The following GHR variants were observed in gnomAD, a reference collection of about 807,000 sequenced individuals.
The protein encoded by GHR is GH receptor.
In GHR, 35 loss-of-function variants were observed where a neutral mutation model predicts 67.1. The observed-to-expected ratio is 0.52, with a 90% CI of 0.40 to 0.69. GHR has a LOEUF of 0.69. Among genes scored for constraint, GHR ranks in the 30% least tolerant of loss-of-function variants. The pLI is 0.00. For missense variants in GHR, 792 were observed against 764.6 expected (o/e 1.04, Z -0.42); for synonymous variants, 272 against 269.1 (o/e 1.01, Z -0.10).
chr5:42,672,691 C>T (rs1756375358), intron 3 of GHR, among the ~76,000 whole-genome samples: 1 of 152,050 alleles, frequency 6.6e-6, no homozygotes, highest in Non-Finnish European at 1.5e-5. Flanking sequence ...ATATCTCAAA[C>T]TATAAGAATG....
chr5:42,497,360 C>G (rs1256287471), intron 1 of GHR, among the ~76,000 whole-genome samples: 2 of 152,186 alleles, frequency 1.3e-5, no homozygotes, highest in Non-Finnish European at 2.9e-5. Context: ...ACGAATGCCT[C>G]TCTTTCCCAT....
chr5:42,425,688 G>T (rs969550043), intron 1 of GHR, among the ~76,000 whole-genome samples: 7 of 152,102 alleles, frequency 4.6e-5, no homozygotes, highest in Non-Finnish European at 8.8e-5. Flanking sequence ...GATGTGTTTT[G>T]GCCTAAAGAC....
intron 3 of GHR, among the ~76,000 whole-genome samples, chr5:42,654,842 T>C (rs944743405): frequency 1.3e-5 from 2 of 152,176 alleles, no homozygotes; most frequent in African/African-American, 4.8e-5. Flanking sequence ...TAGCAGAGTT[T>C]ATGCAGACTA....
At chr5:42,694,860 C>A in intron 4 of GHR, 57 bp from the exon 5 acceptor site, 1 of 1,324,758 alleles carries the variant, frequency 7.5e-7, no homozygotes, top group Non-Finnish European at 1.1e-6. Context: ...CTTACTTGGA[C>A]TTAAGCTACA....
In GHR at chr5:42,720,351, A is replaced by G. The variant is rs879201897; in HGVS notation, c.*927A>G. 6.6e-6 allele frequency: 1 copy of G among 152,228 alleles called. No homozygotes were observed. Among genetic ancestry groups the G allele is most frequent in the South Asian group, 2.1e-4 (1 of 4,834 alleles). 9.4% of individuals were successfully genotyped at this position (152,228 alleles called of 1,614,324 possible). A position where few individuals can be genotyped will look rare whatever the true frequency, so the allele number is the denominator to read the frequency against. On this transcript the variant is annotated 3_prime_UTR_variant, in exon 10 of 10. Transcript: ENST00000230882. The stretch of plus-strand genomic sequence containing the variant: ...CTTGGTTGATGCCAAAAAAAAATAC[A>G]TGCTAAGAGAAGTAGAAATCATAGC...
At chr5:42,695,936 A>G (rs909012585) in intron 5 of GHR, among the ~76,000 whole-genome samples, 3 of 152,232 alleles carry the variant, frequency 2.0e-5, no homozygotes, top group African/African-American at 7.2e-5. Context: ...GTATGTGGCT[A>G]GAACTTACAG....
At chr5:42,548,563 T>C in intron 1 of GHR, 1 of 892,064 alleles carries the variant, frequency 1.1e-6, no homozygotes, top group Non-Finnish European at 1.3e-6. Context: ...TATTGTTTGA[T>C]TAAAAGGCTG....
intron 2 of GHR, among the ~76,000 whole-genome samples, chr5:42,572,698 T>C (rs943678075): frequency 2.0e-5 from 3 of 152,206 alleles, no homozygotes; most frequent in Non-Finnish European, 2.9e-5. Context: ...CTGTTTCTGT[T>C]TATATAACAA....
chr5:42,685,788 G>T (rs559661307), intron 3 of GHR, among the ~76,000 whole-genome samples: 6 of 151,978 alleles, frequency 3.9e-5, no homozygotes, highest in East Asian at 3.9e-4. Context: ...TTTTGATGGG[G>T]TTGTTTTTTT....
intron 2 of GHR, among the ~76,000 whole-genome samples, chr5:42,604,713 A>AT (rs35060701): frequency 3.5e-4 from 50 of 144,864 alleles, no homozygotes; most frequent in African/African-American, 8.8e-4. Flanking sequence ...ACACCCCTCT[A>AT]TTTTTTTTTT....
intron 1 of GHR, among the ~76,000 whole-genome samples, chr5:42,450,078 T>A (rs565518633): frequency 3.9e-4 from 59 of 152,334 alleles, no homozygotes; most frequent in African/African-American, 1.4e-3. Context: ...TTTGCATGTA[T>A]GTTCATTAGG....
At chr5:42,522,905 G>A (rs1042116814) in intron 1 of GHR, among the ~76,000 whole-genome samples, 1 of 152,110 alleles carries the variant, frequency 6.6e-6, no homozygotes, top group Non-Finnish European at 1.5e-5. Flanking sequence ...TAATTTTCTA[G>A]GCATTATGCA....
At chr5:42,582,171 G>A (rs1274901253) in intron 2 of GHR, among the ~76,000 whole-genome samples, 3 of 152,260 alleles carry the variant, frequency 2.0e-5, no homozygotes, top group African/African-American at 7.2e-5. Flanking sequence ...CCTGGGTGCT[G>A]TGGATGACAT....
Position 42,629,580 on chromosome 5 carries a change from T to C in GHR, c.136+477T>C, listed in dbSNP as rs182890613. Among the ~76,000 whole-genome samples, 108 of 132,508 alleles carry C rather than the reference T, an allele frequency of 8.2e-4. 33 individuals carry two copies. The highest frequency in any genetic ancestry group is 3.4e-3 in the African/African-American group (106 of 31,452). 86.9% of individuals were successfully genotyped at this position (132,508 alleles called of 152,430 possible). On this transcript the variant is annotated intron_variant, in intron 3 of 9. Transcript: ENST00000230882. ...GATGCTAATACAGCCTGCAGAACTG[T>C]GAGCCATTTAAATCATTTTTCTTTA...
chr5:42,578,263 G>A (rs1462427315), intron 2 of GHR, among the ~76,000 whole-genome samples: 1 of 152,118 alleles, frequency 6.6e-6, no homozygotes, highest in Non-Finnish European at 1.5e-5. Flanking sequence ...TCTAGATCTG[G>A]TAGTTGCATA....
intron 2 of GHR, among the ~76,000 whole-genome samples, chr5:42,610,783 G>A (rs1285996847): frequency 2.6e-5 from 4 of 152,118 alleles, no homozygotes; most frequent in Non-Finnish European, 4.4e-5. Flanking sequence ...GAAAGTTTTG[G>A]CAAGGCTGAT....
intron 2 of GHR, among the ~76,000 whole-genome samples, chr5:42,590,515 A>G (rs529508247): frequency 6.6e-6 from 1 of 152,196 alleles, no homozygotes; most frequent in Non-Finnish European, 1.5e-5. Flanking sequence ...AAGAAAATGG[A>G]AACACCATTC....
intron 1 of GHR, among the ~76,000 whole-genome samples, chr5:42,561,712 A>G (rs369270240): frequency 3.1e-4 from 47 of 152,228 alleles, no homozygotes; most frequent in African/African-American, 1.1e-3. Context: ...TGTGAGTTCC[A>G]TTATGCAAGA....
At chr5:42,526,436 A>C (rs1747708720) in intron 1 of GHR, among the ~76,000 whole-genome samples, 1 of 152,238 alleles carries the variant, frequency 6.6e-6, no homozygotes, top group Non-Finnish European at 1.5e-5. Flanking sequence ...GCAGGTGCTA[A>C]TTTAGAAGGT....
Sources: gnomAD v4.1 joint callset for allele counts (sites outside exome capture counted in the v4.1 genomes callset) on GRCh38, gnomAD v4.1.1 for gene constraint, MANE v1.5 for transcripts, NCBI Gene and HGNC (gene_info 2026-07-23, HGNC 2026-07-21) for gene names.